The following RBFOX3 variants were observed in gnomAD, a reference collection of about 807,000 sequenced individuals.
RBFOX3 encodes the protein RNA binding protein fox-1 homolog 3.
A neutral mutation model predicts 48.7 loss-of-function variants in RBFOX3; 17 were observed. That is an observed-to-expected ratio of 0.35 (90% CI 0.24 to 0.52). The LOEUF (loss-of-function observed/expected upper bound fraction) is 0.52. Among genes scored for constraint, RBFOX3 ranks in the 20% least tolerant of loss-of-function variants. RBFOX3 has a pLI of 0.94. For missense variants in RBFOX3, 382 were observed against 497.5 expected (o/e 0.77, Z 2.21); for synonymous variants, 212 against 209.5 (o/e 1.01, Z -0.10).
intron 3 of RBFOX3, among the ~76,000 whole-genome samples, chr17:79,305,342 C>T (rs1450970316): frequency 6.6e-6 from 1 of 152,096 alleles, no homozygotes; most frequent in African/African-American, 2.4e-5. Context: ...TTTTTCTTTT[C>T]CACCCACCCA....
At chr17:79,186,776 T>C (rs1487896837) in intron 4 of RBFOX3, among the ~76,000 whole-genome samples, 1 of 152,254 alleles carries the variant, frequency 6.6e-6, no homozygotes, top group Non-Finnish European at 1.5e-5. Flanking sequence ...TCTGCGCTCC[T>C]GGGCACCACT....
chr17:79,642,666 A>G, the RBFOX3 span, among the ~76,000 whole-genome samples: 2 of 152,234 alleles, frequency 1.3e-5, no homozygotes, highest in African/African-American at 2.4e-5. Context: ...CAGCAGACAA[A>G]GCTAATATAT....
At chr17:79,541,468 T>C (rs1394814372) in intron 1 of RBFOX3, among the ~76,000 whole-genome samples, 1 of 152,216 alleles carries the variant, frequency 6.6e-6, no homozygotes, top group East Asian at 1.9e-4. Context: ...TACAAAGTAC[T>C]AGAGGCGCCT....
At chr17:79,432,815 G>A (rs1243728353) in intron 2 of RBFOX3, among the ~76,000 whole-genome samples, 1 of 152,206 alleles carries the variant, frequency 6.6e-6, no homozygotes, top group Admixed American at 6.5e-5. Flanking sequence ...CCTCTTCTTA[G>A]TATTCTTAGT....
intron 2 of RBFOX3, among the ~76,000 whole-genome samples, chr17:79,352,665 G>T (rs529705055): frequency 6.6e-6 from 1 of 152,312 alleles, no homozygotes; most frequent in South Asian, 2.1e-4. Context: ...TACTGGTGTG[G>T]CCCACACCTC....
intron 2 of RBFOX3, among the ~76,000 whole-genome samples, chr17:79,389,232 T>C (rs1184281958): frequency 2.0e-5 from 3 of 152,174 alleles, no homozygotes; most frequent in Non-Finnish European, 4.4e-5. Context: ...CTCACCCCTT[T>C]GGTGTGCAAC....
intron 3 of RBFOX3, among the ~76,000 whole-genome samples, chr17:79,302,227 C>G (rs892497255): frequency 2.0e-5 from 3 of 152,186 alleles, no homozygotes; most frequent in Admixed American, 1.3e-4. Flanking sequence ...AATACCCCTC[C>G]CCTTCCATCA....
At position 79,399,480 on chromosome 17, in the gene RBFOX3, G is replaced by GTT. The variant is rs35351556; in HGVS notation, c.-175+82972_-175+82973dup. ...AGGTTCCATGTGGAGGGCAGGGATG[G>GTT]TTTTTTTTTGCCATCTTTTCAAGAC... On this transcript the variant is annotated intron_variant, in intron 2 of 14. Coordinates refer to ENST00000693108, the MANE Select transcript of RBFOX3 (RefSeq NM_001350451.2). Among the ~76,000 whole-genome samples the GTT allele has an allele frequency of 5.3e-5, 8 of 151,098 alleles. No homozygotes were observed. In the South Asian group the frequency reaches 1.0e-3, roughly 20 times the overall value.
chr17:79,553,905 T>A (rs2143751111), intron 1 of RBFOX3, among the ~76,000 whole-genome samples: 1 of 152,246 alleles, frequency 6.6e-6, no homozygotes, highest in Non-Finnish European at 1.5e-5. Flanking sequence ...GGCTAATTTT[T>A]GTATTTTTAG....
At chr17:79,442,078 C>T (rs1481944743) in intron 2 of RBFOX3, among the ~76,000 whole-genome samples, 3 of 151,354 alleles carry the variant, frequency 2.0e-5, no homozygotes, top group Non-Finnish European at 4.4e-5. Context: ...GTGAAAGGGA[C>T]GTGTTGGGAG....
At chr17:79,412,116 ATG>A (rs2064461826) in intron 2 of RBFOX3, among the ~76,000 whole-genome samples, 1 of 151,628 alleles carries the variant, frequency 6.6e-6, no homozygotes, top group East Asian at 2.0e-4. Flanking sequence ...GTGTATATAA[ATG>A]TGTGTGGTGT....
At chr17:79,520,168 G>A (rs1169720043) in intron 1 of RBFOX3, among the ~76,000 whole-genome samples, 4 of 152,314 alleles carry the variant, frequency 2.6e-5, no homozygotes, top group African/African-American at 9.6e-5. Context: ...GCCTTGCCCC[G>A]CCTCCTCCCC....
At chr17:79,161,947 C>T (rs914945217) in intron 4 of RBFOX3, among the ~76,000 whole-genome samples, 13 of 152,282 alleles carry the variant, frequency 8.5e-5, no homozygotes, top group Middle Eastern at 3.4e-3. Context: ...CCACAACAGT[C>T]GAAGGAGGCT....
In RBFOX3 at chr17:79,413,004, C is replaced by T. The variant is rs115945918; in HGVS notation, c.-175+69450G>A. Among the ~76,000 whole-genome samples the T allele has an allele frequency of 9.5e-3, 1,442 of 152,280 alleles. 23 individuals carry two copies. The highest frequency in any genetic ancestry group is 0.033 in the African/African-American group (1,381 of 41,516). ...TTCTGCTCTCTGACAGCCAGAGGAA[C>T]CAGCCTGCTTCTGCCCTGTCTCCGT... On this transcript the variant is annotated intron_variant, in intron 2 of 14. Coordinates refer to ENST00000693108, the MANE Select transcript of RBFOX3 (RefSeq NM_001350451.2).
chr17:79,291,217 C>T (rs2073195090), intron 3 of RBFOX3, among the ~76,000 whole-genome samples: 1 of 152,308 alleles, frequency 6.6e-6, no homozygotes, highest in South Asian at 2.1e-4. Context: ...ACTCTGATGG[C>T]CAGGGCATTA....
intron 2 of RBFOX3, among the ~76,000 whole-genome samples, chr17:79,340,895 C>T (rs779894171): frequency 6.6e-5 from 10 of 152,124 alleles, no homozygotes; most frequent in Non-Finnish European, 1.0e-4. Flanking sequence ...CCCCAAACAC[C>T]ACCCCTTCCT....
In RBFOX3 at chr17:79,178,691, G is replaced by C. The variant is rs530089778; in HGVS notation, c.-34+57075C>G. ...AACCGAGCTACTTCAGTAACCAAAT[G>C]ACATCAGGGTAAAGAGGTCTCACCT... On this transcript the variant is annotated intron_variant, in intron 4 of 14. Transcript: ENST00000693108. Among the ~76,000 whole-genome samples, 400 of 152,320 alleles carry C rather than the reference G, an allele frequency of 2.6e-3. 3 individuals are homozygous for C. Among genetic ancestry groups the C allele is most frequent in the African/African-American group, 8.9e-3 (369 of 41,572 alleles).
intron 2 of RBFOX3, among the ~76,000 whole-genome samples, chr17:79,411,476 G>A (rs571694455): frequency 8.7e-4 from 132 of 152,160 alleles, no homozygotes; most frequent in African/African-American, 2.4e-3. Context: ...AGCTCCACGG[G>A]CTCCTCCTCC....
intron 1 of RBFOX3, among the ~76,000 whole-genome samples, chr17:79,551,426 G>T (rs2091132886): frequency 1.3e-5 from 2 of 151,904 alleles, no homozygotes; most frequent in Non-Finnish European, 2.9e-5. Flanking sequence ...TGGGTGGATA[G>T]ATGGGTCGGT....
Sources: gnomAD v4.1 joint callset for allele counts (sites outside exome capture counted in the v4.1 genomes callset) on GRCh38, gnomAD v4.1.1 for gene constraint, MANE v1.5 for transcripts, NCBI Gene and HGNC (gene_info 2026-07-23, HGNC 2026-07-21) for gene names.